RASEF: variants seen among roughly 807,000 people sequenced by gnomAD.
RASEF encodes the protein RAS and EF-hand domain containing, also known as ras and EF-hand domain-containing protein.
Under a neutral mutation model 90.1 loss-of-function variants are expected in RASEF, and 68 were observed. That is an observed-to-expected ratio of 0.75 (90% CI 0.62 to 0.92). The LOEUF (loss-of-function observed/expected upper bound fraction) is 0.92, where lower values mean the gene tolerates loss of function less well. Among genes scored for constraint, RASEF ranks in the 40% least tolerant of loss-of-function variants. The pLI is 0.00. For synonymous variants in RASEF, 331 were observed against 345.2 expected, an observed-to-expected ratio of 0.96 and a Z score of 0.46; for missense variants, 949 against 937.2, an observed-to-expected ratio of 1.01 and a Z score of -0.16.
Position 82,982,391 on chromosome 9 carries a change from TTTCTTTTC to T in RASEF, c.*278_*285del. The T allele has an allele frequency of 2.2e-5, 1 of 45,174 alleles. No homozygotes were observed. The highest frequency in any genetic ancestry group is 4.4e-5 in the Non-Finnish European group (1 of 22,560). 2.8% of individuals were successfully genotyped at this position (45,174 alleles called of 1,614,324 possible). On this transcript the variant is annotated 3_prime_UTR_variant, in exon 17 of 17. Transcript: ENST00000376447. ...GCTTTGATCTGAGCATGTGATTTCTTTTCTTTTCTTTTTTTTTACCATTTTAAAAACAT... is the reference window on the plus strand; with the variant it reads ...GCTTTGATCTGAGCATGTGATTTCTTTTTTTTTTTACCATTTTAAAAACAT...
At chr9:83,029,250 T>C (rs1829599699) in intron 1 of RASEF, among the ~76,000 whole-genome samples, 1 of 152,038 alleles carries the variant, frequency 6.6e-6, no homozygotes, top group South Asian at 2.1e-4. Flanking sequence ...ATAGCTAAAC[T>C]CTGGCAGAAG....
chr9:83,137,795 G>GGA, the RASEF span, among the ~76,000 whole-genome samples: 1 of 146,938 alleles, frequency 6.8e-6, no homozygotes, highest in Non-Finnish European at 1.5e-5. Flanking sequence ...TGAAGTGATT[G>GGA]AAAAAAAAAA....
At chr9:83,106,485 A>C in the RASEF span, among the ~76,000 whole-genome samples, 1 of 152,112 alleles carries the variant, frequency 6.6e-6, no homozygotes, top group Non-Finnish European at 1.5e-5. Flanking sequence ...GGGAGACTTC[A>C]GCACATGCTC....
At chr9:83,095,913 C>A in the RASEF span, among the ~76,000 whole-genome samples, 1 of 152,098 alleles carries the variant, frequency 6.6e-6, no homozygotes, top group African/African-American at 2.4e-5. Context: ...TTTTGCTTAT[C>A]CCTGTAGAGC....
the RASEF span, among the ~76,000 whole-genome samples, chr9:83,202,499 G>A: frequency 1.4e-4 from 21 of 151,394 alleles, no homozygotes; most frequent in Non-Finnish European, 2.7e-4. Context: ...TTTTTGAGGT[G>A]GAGTCTCACT....
the RASEF span, among the ~76,000 whole-genome samples, chr9:83,170,640 G>A: frequency 6.6e-6 from 1 of 151,390 alleles, no homozygotes; most frequent in Non-Finnish European, 1.5e-5. Flanking sequence ...TTATTTATTT[G>A]GTTAAGTTTA....
intron 2 of RASEF, among the ~76,000 whole-genome samples, chr9:83,022,970 A>G (rs1474232204): frequency 1.3e-5 from 2 of 152,222 alleles, no homozygotes; most frequent in African/African-American, 4.8e-5. Context: ...TGACTATATT[A>G]AATAAATTAA....
chr9:83,040,037 G>A (rs1829809923), intron 1 of RASEF, among the ~76,000 whole-genome samples: 1 of 152,098 alleles, frequency 6.6e-6, no homozygotes, highest in Admixed American at 6.5e-5. Context: ...AGTCTCATGA[G>A]ATCTGATGGT....
chr9:83,114,082 G>A, the RASEF span, among the ~76,000 whole-genome samples: 1 of 152,134 alleles, frequency 6.6e-6, no homozygotes, highest in African/African-American at 2.4e-5. Flanking sequence ...AACACTTAGG[G>A]TGTTGTGGGA....
At chr9:83,127,052 CAACT>C in the RASEF span, among the ~76,000 whole-genome samples, 3 of 152,038 alleles carry the variant, frequency 2.0e-5, no homozygotes, top group African/African-American at 7.2e-5. Flanking sequence ...TAAAGAAAAC[CAACT>C]ATCTTCATCT....
chr9:83,078,750 G>A, the RASEF span, among the ~76,000 whole-genome samples: 3 of 151,814 alleles, frequency 2.0e-5, no homozygotes, highest in Admixed American at 2.0e-4. Flanking sequence ...TATAGTACTA[G>A]GAGTTTCCCA....
At chr9:83,088,968 C>G in the RASEF span, among the ~76,000 whole-genome samples, 3 of 151,940 alleles carry the variant, frequency 2.0e-5, no homozygotes, top group African/African-American at 7.2e-5. Flanking sequence ...TATTTGTTTC[C>G]TATGCCAAGT....
rs1006247512 is a variant in RASEF at position 83,000,906 on chromosome 9, G to C, written c.1427C>G (p.Ser476Ter). ...GVQESFGGDASDTDVPDIRDE... is the reference protein window; with the variant it reads ...GVQESFGGDA ...GTTTCTGGGGCTTACATCTGTGTCT[G>C]AAGCATCACCTCCAAAGCTCTCCTG... The change falls in exon 10 of 17, where the codon TCA (serine) becomes TGA (stop). Residue 476 changes from serine (S) to a stop codon, truncating the protein, a stop_gained. Transcript: ENST00000376447. LOFTEE classifies it high-confidence loss of function. 4.3e-6 allele frequency: 7 copies of C among 1,613,498 alleles called. No homozygotes were observed. The highest frequency in any genetic ancestry group is 5.1e-6 in the Non-Finnish European group (6 of 1,179,420).
intron 9 of RASEF, among the ~76,000 whole-genome samples, chr9:83,003,323 G>A (rs973546832): frequency 2.0e-5 from 3 of 152,144 alleles, no homozygotes; most frequent in African/African-American, 7.2e-5. Flanking sequence ...CAAACATGCT[G>A]GGGACGTGAT....
chr9:83,104,327 G>GAACCA, the RASEF span, among the ~76,000 whole-genome samples: 1 of 151,972 alleles, frequency 6.6e-6, no homozygotes, highest in Non-Finnish European at 1.5e-5. Context: ...AAAAATCCAT[G>GAACCA]AACCATAATT....
the RASEF span, among the ~76,000 whole-genome samples, chr9:83,177,530 A>G: frequency 6.6e-6 from 1 of 150,910 alleles, no homozygotes; most frequent in African/African-American, 2.4e-5. Context: ...ATGTAATTCC[A>G]TTGTCTTCTG....
the RASEF span, among the ~76,000 whole-genome samples, chr9:83,103,998 G>A: frequency 6.6e-6 from 1 of 152,138 alleles, no homozygotes; most frequent in Non-Finnish European, 1.5e-5. Context: ...ATAGCAAGTG[G>A]AGGCTGCTTA....
At chr9:83,122,197 C>A in the RASEF span, among the ~76,000 whole-genome samples, 2 of 152,202 alleles carry the variant, frequency 1.3e-5, no homozygotes, top group Admixed American at 1.3e-4. Flanking sequence ...TACTGACAGT[C>A]AGCTGCAAAG....
chr9:83,195,221 C>CAT, the RASEF span, among the ~76,000 whole-genome samples: 1 of 152,240 alleles, frequency 6.6e-6, no homozygotes. Flanking sequence ...TGCCCTCTCT[C>CAT]ATACCCATCA....
Sources: allele counts gnomAD v4.1 joint callset (sites outside exome capture counted in the v4.1 genomes callset), GRCh38; gene constraint gnomAD v4.1.1; transcripts MANE v1.5; gene names NCBI Gene and HGNC (gene_info 2026-07-23, HGNC 2026-07-21).